PLCB1: variants seen among roughly 807,000 people sequenced by gnomAD.
PLCB1 encodes the protein 1-phosphatidylinositol 4,5-bisphosphate phosphodiesterase beta-1.
Under a neutral mutation model 161.8 loss-of-function variants are expected in PLCB1, and 46 were observed. That is an observed-to-expected ratio of 0.28 (90% CI 0.22 to 0.36). The LOEUF is 0.36. Ranked by LOEUF, PLCB1 falls within the 10% of genes least tolerant of loss-of-function variation. The pLI is 1.00. For synonymous variants in PLCB1, 517 were observed against 503.7 expected, an observed-to-expected ratio of 1.03 and a Z score of -0.35; for missense variants, 1,016 against 1,472.5, an observed-to-expected ratio of 0.69 and a Z score of 5.07.
chr20:8,149,559 A>G (rs577682971), intron 1 of PLCB1, among the ~76,000 whole-genome samples: 7 of 152,342 alleles, frequency 4.6e-5, no homozygotes, highest in South Asian at 4.1e-4. Context: ...AAAAAATGCA[A>G]TTCCTGCAAA....
At chr20:8,635,733 A>C (rs1284383947) in intron 4 of PLCB1, among the ~76,000 whole-genome samples, 2 of 152,160 alleles carry the variant, frequency 1.3e-5, no homozygotes, top group African/African-American at 4.8e-5. Context: ...AATTTCTTTT[A>C]AGCAAAAGAA....
At chr20:8,718,376 G>T (rs147468604) in intron 14 of PLCB1, among the ~76,000 whole-genome samples, 20 of 152,284 alleles carry the variant, frequency 1.3e-4, no homozygotes, top group African/African-American at 4.3e-4. Flanking sequence ...AAGTCAGGAA[G>T]CCCCCTGGGT....
At chr20:8,679,220 A>T (rs904634714) in intron 9 of PLCB1, among the ~76,000 whole-genome samples, 3 of 152,212 alleles carry the variant, frequency 2.0e-5, no homozygotes, top group African/African-American at 7.2e-5. Flanking sequence ...TTTCCCATGT[A>T]CCTGAAACAA....
intron 31 of PLCB1, among the ~76,000 whole-genome samples, chr20:8,832,108 T>C (rs1011583111): frequency 6.6e-6 from 1 of 152,112 alleles, no homozygotes; most frequent in African/African-American, 2.4e-5. Flanking sequence ...AGAATCCGAC[T>C]TATGAATTCA....
intron 24 of PLCB1, among the ~76,000 whole-genome samples, chr20:8,757,670 A>T (rs1301717852): frequency 1.3e-5 from 2 of 152,024 alleles, no homozygotes; most frequent in African/African-American, 2.4e-5. Context: ...CCAAGAGTAG[A>T]TTCTATTATT....
intron 3 of PLCB1, among the ~76,000 whole-genome samples, chr20:8,470,336 T>C (rs1391541757): frequency 1.3e-5 from 2 of 152,170 alleles, no homozygotes; most frequent in Non-Finnish European, 2.9e-5. Context: ...CATAAGGAAC[T>C]GACAGTTTTC....
intron 2 of PLCB1, among the ~76,000 whole-genome samples, chr20:8,250,256 A>G (rs114075660): frequency 0.014 from 2,131 of 152,096 alleles, 58 homozygotes; most frequent in African/African-American, 0.047. Flanking sequence ...TTCAAGGTGC[A>G]TAGCAAAAGC....
chr20:8,562,002 A>AT (rs1234196540), intron 3 of PLCB1, among the ~76,000 whole-genome samples: 4 of 151,918 alleles, frequency 2.6e-5, no homozygotes, highest in East Asian at 1.9e-4. Flanking sequence ...TAAGCTTGCT[A>AT]TTTTTTTCCT....
chr20:8,163,833 G>A (rs1045455878), intron 2 of PLCB1, among the ~76,000 whole-genome samples: 1 of 152,160 alleles, frequency 6.6e-6, no homozygotes, highest in Admixed American at 6.5e-5. Flanking sequence ...AGATGTTTGA[G>A]TATAAATATC....
intron 2 of PLCB1, among the ~76,000 whole-genome samples, chr20:8,288,337 AGAG>A (rs1163381258): frequency 6.6e-6 from 1 of 152,210 alleles, no homozygotes; most frequent in African/African-American, 2.4e-5. Context: ...TCTGGAAAGA[AGAG>A]GAGAAGTTAC....
At position 8,644,908 on chromosome 20, in the gene PLCB1, T is replaced by C. The variant is rs183911521; in HGVS notation, c.385-1194T>C. 8.2e-4 allele frequency among the ~76,000 whole-genome samples: 125 copies of C among 152,244 alleles called. 2 individuals are homozygous for C. The East Asian group carries it at 0.023, about 28-fold the overall frequency. On this transcript the variant is annotated intron_variant, in intron 4 of 31. Transcript: ENST00000338037. ...AAAGGGGGGAAAGGTGGGGAAAAGA[T>C]TGAGAAATCAGATGGTTGCCCTGTC...
intron 2 of PLCB1, among the ~76,000 whole-genome samples, chr20:8,308,618 CAAAAAA>C (rs71183088): frequency 4.1e-5 from 3 of 73,600 alleles, no homozygotes; most frequent in Non-Finnish European, 8.4e-5. Flanking sequence ...TTCCGTATAT[CAAAAAA>C]AAAAAAAAAA....
At chr20:8,452,009 A>C (rs1355456904) in intron 3 of PLCB1, among the ~76,000 whole-genome samples, 2 of 152,178 alleles carry the variant, frequency 1.3e-5, no homozygotes, top group Non-Finnish European at 2.9e-5. Flanking sequence ...CAGTTAGGGA[A>C]TTCTTTCCTA....
chr20:8,616,027 G>T (rs905703810), intron 3 of PLCB1, among the ~76,000 whole-genome samples: 12 of 152,250 alleles, frequency 7.9e-5, no homozygotes, highest in Middle Eastern at 3.4e-3. Context: ...GAAACCGAGG[G>T]TTGTTACTGA....
At chr20:8,683,157 A>G (rs1488657335) in intron 9 of PLCB1, among the ~76,000 whole-genome samples, 2 of 151,960 alleles carry the variant, frequency 1.3e-5, no homozygotes, top group African/African-American at 4.8e-5. Context: ...TTACTAAATT[A>G]TATATATAAT....
chr20:8,313,186 G>C (rs1431404102), intron 2 of PLCB1, among the ~76,000 whole-genome samples: 1 of 152,110 alleles, frequency 6.6e-6, no homozygotes, highest in African/African-American at 2.4e-5. Flanking sequence ...TTGTAAAATA[G>C]TGCTGTGTAA....
At chr20:8,590,049 G>A (rs935311400) in intron 3 of PLCB1, among the ~76,000 whole-genome samples, 3 of 152,020 alleles carry the variant, frequency 2.0e-5, no homozygotes, top group South Asian at 2.1e-4. Context: ...TATGAATTTC[G>A]GGTGGGGACA....
chr20:8,212,213 C>T (rs985476139), intron 2 of PLCB1, among the ~76,000 whole-genome samples: 3 of 152,078 alleles, frequency 2.0e-5, no homozygotes, highest in South Asian at 2.1e-4. Flanking sequence ...ATTAGTGGTA[C>T]ATTAGAAAAG....
chr20:8,629,208 T>C (rs1988452658), intron 4 of PLCB1, among the ~76,000 whole-genome samples: 1 of 152,014 alleles, frequency 6.6e-6, no homozygotes, highest in Admixed American at 6.5e-5. Context: ...TGTAGACTAA[T>C]GAAAAACTAA....
Sources: gnomAD v4.1 joint callset for allele counts (sites outside exome capture counted in the v4.1 genomes callset) on GRCh38, gnomAD v4.1.1 for gene constraint, MANE v1.5 for transcripts, NCBI Gene and HGNC (gene_info 2026-07-23, HGNC 2026-07-21) for gene names.